Variants in FHOD3 observed in about 807,000 individuals in gnomAD.
The protein encoded by FHOD3 is FH1/FH2 domain-containing protein 3.
FHOD3 carries 90 observed loss-of-function variants against 173.0 expected under a neutral mutation model. That is an observed-to-expected ratio of 0.52 (90% confidence interval 0.44 to 0.62). The LOEUF is 0.62. Ranked by LOEUF, FHOD3 falls within the 20% of genes least tolerant of loss-of-function variation. FHOD3 has a pLI of 0.00. For synonymous variants in FHOD3, 828 were observed against 823.0 expected, an observed-to-expected ratio of 1.01 and a Z score of -0.10; for missense variants, 1,945 against 2,034.7, an observed-to-expected ratio of 0.96 and a Z score of 0.85.
chr18:36,603,955 G>A (rs1311192613), intron 8 of FHOD3, among the ~76,000 whole-genome samples: 5 of 152,180 alleles, frequency 3.3e-5, no homozygotes, highest in African/African-American at 4.8e-5. Flanking sequence ...GGAATCCTGG[G>A]GGTAGGTCCC....
intron 9 of FHOD3, among the ~76,000 whole-genome samples, chr18:36,615,082 T>G (rs546814038): frequency 4.6e-5 from 7 of 152,258 alleles, no homozygotes; most frequent in African/African-American, 1.4e-4. Context: ...ACTCCCGACC[T>G]CAGGTGATCC....
intron 18 of FHOD3, among the ~76,000 whole-genome samples, chr18:36,715,295 C>T (rs535281226): frequency 2.7e-4 from 41 of 152,298 alleles, no homozygotes; most frequent in African/African-American, 4.1e-4. Flanking sequence ...TTTTTTAAGG[C>T]GCTTCCCTCT....
intron 3 of FHOD3, among the ~76,000 whole-genome samples, chr18:36,464,036 G>A (rs2052755167): frequency 6.6e-6 from 1 of 152,056 alleles, no homozygotes; most frequent in East Asian, 1.9e-4. Flanking sequence ...AGTAGTTTTT[G>A]CAATGAGATT....
intron 3 of FHOD3, among the ~76,000 whole-genome samples, chr18:36,475,012 C>T (rs1474908343): frequency 7.5e-6 from 1 of 134,100 alleles, no homozygotes; most frequent in African/African-American, 2.8e-5. Flanking sequence ...CACACACACA[C>T]ACACACACAC....
intron 27 of FHOD3, among the ~76,000 whole-genome samples, chr18:36,764,898 C>G (rs2043074807): frequency 6.6e-6 from 1 of 152,166 alleles, no homozygotes; most frequent in Non-Finnish European, 1.5e-5. Context: ...GAGGACTAGA[C>G]AAACTAGAAT....
chr18:36,343,981 G>A (rs923913909), intron 1 of FHOD3, among the ~76,000 whole-genome samples: 1 of 152,140 alleles, frequency 6.6e-6, no homozygotes, highest in African/African-American at 2.4e-5. Flanking sequence ...TTTTGGGGGT[G>A]ATGAAAATGT....
At chr18:36,629,393 AC>A (rs2034344074) in intron 10 of FHOD3, among the ~76,000 whole-genome samples, 1 of 152,226 alleles carries the variant, frequency 6.6e-6, no homozygotes, top group Admixed American at 6.5e-5. Flanking sequence ...TTTTTTTTCA[AC>A]CATTAAAAAT....
At chr18:36,766,935 A>G (rs1306110603) in intron 27 of FHOD3, among the ~76,000 whole-genome samples, 2 of 152,214 alleles carry the variant, frequency 1.3e-5, no homozygotes, top group Non-Finnish European at 2.9e-5. Flanking sequence ...TTATAAATCA[A>G]TAGATAAAAG....
At position 36,718,362 on chromosome 18, in the gene FHOD3, C is replaced by CCT; in HGVS notation, c.3066_3067dup (p.Pro1023LeufsTer46). 2.5e-6 allele frequency: 4 copies of CCT among 1,593,222 alleles called. No individual in the cohort carries two copies. The highest frequency in any genetic ancestry group is 2.6e-6 in the Non-Finnish European group (3 of 1,169,594). On this transcript the variant is annotated frameshift_variant, in exon 19 of 29. Transcript: ENST00000590592. LOFTEE classifies it high-confidence loss of function. ...GGGTCACAGGGAGGCCCCTGGGCCA[C>CCT]CTCCCCCACCCCCACCCACCTTTCT... is the stretch of plus-strand genomic sequence containing the variant.
chr18:36,545,993 T>A (rs2147207175), intron 5 of FHOD3, among the ~76,000 whole-genome samples: 1 of 152,346 alleles, frequency 6.6e-6, no homozygotes, highest in East Asian at 1.9e-4. Context: ...CCACATGTAA[T>A]GTACGGCTTG....
intron 3 of FHOD3, among the ~76,000 whole-genome samples, chr18:36,445,618 A>G (rs1175055821): frequency 6.6e-6 from 1 of 152,172 alleles, no homozygotes; most frequent in Non-Finnish European, 1.5e-5. Context: ...GAGATATTCT[A>G]AATCATTCCA....
At position 36,297,744 on chromosome 18, in the gene FHOD3, G is replaced by A; in HGVS notation, c.-92G>A. 1.9e-6 allele frequency: 2 copies of A among 1,047,782 alleles called. No individual in the cohort carries two copies. Among genetic ancestry groups the A allele is most frequent in the Non-Finnish European group, 2.4e-6 (2 of 819,610 alleles). The allele number at this position is 1,047,782 out of a possible 1,614,324, so 64.9% of individuals were successfully genotyped here. A position where few individuals can be genotyped will look rare whatever the true frequency, so the allele number is the denominator to read the frequency against. ...GCGAGTCCGCGAGCCAGCGAGCTGC[G>A]GCTGCGGCCTCCCCTGCGCGCAGCT... On this transcript the variant is annotated 5_prime_UTR_variant, in exon 1 of 29. Coordinates refer to ENST00000590592, the MANE Select transcript of FHOD3 (RefSeq NM_001281740.3).
At chr18:36,600,070 C>G (rs1315780381) in intron 7 of FHOD3, among the ~76,000 whole-genome samples, 1 of 152,062 alleles carries the variant, frequency 6.6e-6, no homozygotes, top group Non-Finnish European at 1.5e-5. Context: ...AGTGCTTTAT[C>G]TCAATGACAA....
intron 14 of FHOD3, among the ~76,000 whole-genome samples, chr18:36,678,053 G>T (rs756375603): frequency 1.2e-3 from 176 of 152,106 alleles, no homozygotes; most frequent in Non-Finnish European, 1.8e-3. Context: ...AAATAACATA[G>T]GTTTTCTTGG....
chr18:36,420,934 G>C (rs184718066), intron 3 of FHOD3, among the ~76,000 whole-genome samples: 1 of 152,220 alleles, frequency 6.6e-6, no homozygotes, highest in African/African-American at 2.4e-5. Flanking sequence ...CAGTAGTGCT[G>C]GATTTTTTAT....
At chr18:36,390,869 C>T (rs980453157) in intron 3 of FHOD3, among the ~76,000 whole-genome samples, 2 of 152,108 alleles carry the variant, frequency 1.3e-5, no homozygotes, top group Admixed American at 6.5e-5. Flanking sequence ...AACGAGTGGT[C>T]CACATGGATC....
rs141957201 is a variant in FHOD3 at position 36,652,332 on chromosome 18, T to C, written c.1287-238T>C. 9.2e-5 allele frequency among the ~76,000 whole-genome samples: 14 copies of C among 152,372 alleles called. No homozygotes were observed. The East Asian group carries it at 2.3e-3, about 25-fold the overall frequency. On this transcript the variant is annotated intron_variant, in intron 11 of 28. Coordinates refer to ENST00000590592, the MANE Select transcript of FHOD3 (RefSeq NM_001281740.3). ...AGGTTTGGCCTGAGAGCCACCTCCT[T>C]GCCCTCTATAAGTCTTACCTCCTGG...
intron 8 of FHOD3, among the ~76,000 whole-genome samples, chr18:36,603,637 G>T (rs2031695799): frequency 6.6e-6 from 1 of 152,024 alleles, no homozygotes; most frequent in Admixed American, 6.5e-5. Context: ...TCTAGTAGCT[G>T]GGATTACAGG....
intron 14 of FHOD3, among the ~76,000 whole-genome samples, chr18:36,664,401 A>G (rs980191705): frequency 4.6e-5 from 7 of 152,166 alleles, no homozygotes; most frequent in Admixed American, 3.3e-4. Context: ...TCCTGACAGC[A>G]GTCTTGTTAC....
Sources: allele counts gnomAD v4.1 joint callset (sites outside exome capture counted in the v4.1 genomes callset), GRCh38; gene constraint gnomAD v4.1.1; transcripts MANE v1.5; gene names NCBI Gene and HGNC (gene_info 2026-07-23, HGNC 2026-07-21).